The following RGSL1 variants were observed in gnomAD, a reference collection of about 807,000 sequenced individuals.
The protein encoded by RGSL1 is regulator of G protein signaling like 1.
RGSL1 carries 97 observed loss-of-function variants against 124.7 expected under a neutral mutation model. The ratio of observed to expected loss-of-function variants is 0.78; its 90% CI spans 0.66 to 0.92. RGSL1 has a LOEUF of 0.92. RGSL1 is among the 40% of genes least tolerant of loss of function. The pLI is 0.00. For missense variants in RGSL1, 1,233 were observed against 1,288.4 expected (o/e 0.96, Z 0.66); for synonymous variants, 424 against 438.1 (o/e 0.97, Z 0.40).
intron 4 of RGSL1, among the ~76,000 whole-genome samples, chr1:182,469,125 T>C (rs1653601602): frequency 6.6e-6 from 1 of 152,126 alleles, no homozygotes; most frequent in Admixed American, 6.6e-5. Flanking sequence ...AGTGATGTCT[T>C]GGATATGACA....
chr1:182,480,888 G>A (rs970365260), intron 6 of RGSL1, among the ~76,000 whole-genome samples: 1 of 151,852 alleles, frequency 6.6e-6, no homozygotes, highest in African/African-American at 2.4e-5. Flanking sequence ...AATCAAAAAG[G>A]GCATTTGAAA....
intron 20 of RGSL1, chr1:182,555,521 C>A: frequency 6.4e-6 from 1 of 157,372 alleles, no homozygotes; most frequent in Admixed American, 6.1e-5. Context: ...TTAAAATCTG[C>A]TTCAGCCTAA....
chr1:182,513,814 A>G (rs1416591545), intron 9 of RGSL1, among the ~76,000 whole-genome samples: 1 of 152,112 alleles, frequency 6.6e-6, no homozygotes, highest in Non-Finnish European at 1.5e-5. Context: ...ACTTGACAAA[A>G]TGAGGAGATA....
intron 4 of RGSL1, among the ~76,000 whole-genome samples, chr1:182,467,793 T>C (rs61808196): frequency 0.014 from 2,113 of 152,314 alleles, 27 homozygotes; most frequent in Admixed American, 0.031. Context: ...AAAGAGCTTC[T>C]GCACAGCAAA....
chr1:182,509,644 C>G (rs866998368), intron 9 of RGSL1, among the ~76,000 whole-genome samples: 1 of 131,602 alleles, frequency 7.6e-6, no homozygotes, highest in Admixed American at 7.1e-5. Context: ...ACCTCCCGGA[C>G]GGGGCGGCTG....
chr1:182,544,578 A>C (rs1452406284), intron 15 of RGSL1, among the ~76,000 whole-genome samples: 1 of 133,694 alleles, frequency 7.5e-6, no homozygotes, highest in Non-Finnish European at 1.7e-5. Flanking sequence ...TCTGTCCATT[A>C]CTAAGAGTGG....
At chr1:182,546,295 A>T (rs1660205262) in intron 15 of RGSL1, among the ~76,000 whole-genome samples, 1 of 151,958 alleles carries the variant, frequency 6.6e-6, no homozygotes, top group Non-Finnish European at 1.5e-5. Context: ...TTAAAGTGGA[A>T]CAGAATTTAA....
chr1:182,552,843 A>T (rs548473943), intron 18 of RGSL1, among the ~76,000 whole-genome samples: 2 of 151,636 alleles, frequency 1.3e-5, no homozygotes, highest in Non-Finnish European at 2.9e-5. Context: ...TAACAAACCC[A>T]CTCCCATGAT....
At chr1:182,514,080 A>G (rs1289292620) in intron 9 of RGSL1, among the ~76,000 whole-genome samples, 2 of 91,982 alleles carry the variant, frequency 2.2e-5, no homozygotes, top group Non-Finnish European at 5.6e-5. Context: ...TTTTGGAGAG[A>G]TAGGGTTTCA....
intron 9 of RGSL1, among the ~76,000 whole-genome samples, chr1:182,497,728 G>A (rs1656038218): frequency 6.6e-6 from 1 of 152,056 alleles, no homozygotes; most frequent in Admixed American, 6.5e-5. Flanking sequence ...TGACACTTTT[G>A]AAGATTCCAA....
At chr1:182,529,731 G>A (rs1484393133) in intron 11 of RGSL1, among the ~76,000 whole-genome samples, 1 of 152,166 alleles carries the variant, frequency 6.6e-6, no homozygotes, top group African/African-American at 2.4e-5. Context: ...ATCTCAGGAT[G>A]TTGAGATCTG....
chr1:182,509,522 A>T lies in RGSL1; in HGVS notation c.1826-12482A>T, dbSNP rs796128733. 1.8e-4 allele frequency among the ~76,000 whole-genome samples: 11 copies of T among 60,672 alleles called. 1 individual carries two copies. The highest frequency in any genetic ancestry group is 8.9e-4 in the African/African-American group (11 of 12,322). The allele number at this position is 60,672 out of a possible 152,430, so 39.8% of individuals were successfully genotyped here. A position where few individuals can be genotyped will look rare whatever the true frequency, so the allele number is the denominator to read the frequency against. ...CCCCCACCTCCCTCCCGGACGGGGC[A>T]GCTGGCCGGGTGGGGGGGCTGACGC... On this transcript the variant is annotated intron_variant, in intron 9 of 21. Coordinates refer to ENST00000294854, the MANE Select transcript of RGSL1 (RefSeq NM_001137669.2).
intron 21 of RGSL1, 61 bp downstream of exon 21, chr1:182,556,283 G>A (rs998887790): frequency 9.6e-6 from 5 of 519,054 alleles, no homozygotes; most frequent in African/African-American, 7.7e-5. Context: ...GTTGGGTCAG[G>A]AGACCTGGGC....
chr1:182,559,077 A>ATT (rs1661023659), intron 21 of RGSL1, among the ~76,000 whole-genome samples: 2 of 152,044 alleles, frequency 1.3e-5, no homozygotes, highest in African/African-American at 4.8e-5. Context: ...CATAGCTCTG[A>ATT]CTATTCTTTC....
intron 14 of RGSL1, among the ~76,000 whole-genome samples, chr1:182,537,380 G>C (rs964330149): frequency 2.6e-5 from 4 of 152,152 alleles, no homozygotes; most frequent in Non-Finnish European, 4.4e-5. Context: ...ATGTCTCATT[G>C]TGTATATGCA....
At chr1:182,535,872 A>G (rs1191997286) in intron 14 of RGSL1, among the ~76,000 whole-genome samples, 2 of 152,180 alleles carry the variant, frequency 1.3e-5, no homozygotes. Context: ...CTCTGCCATC[A>G]TGATATAGAA....
At chr1:182,459,687 C>G (rs185189699) in intron 3 of RGSL1, among the ~76,000 whole-genome samples, 3 of 152,302 alleles carry the variant, frequency 2.0e-5, no homozygotes, top group Admixed American at 2.0e-4. Context: ...ATCTTTTCTG[C>G]TTTTCTTCTG....
chr1:182,534,501 A>G (rs1445947213), intron 14 of RGSL1, among the ~76,000 whole-genome samples: 1 of 152,150 alleles, frequency 6.6e-6, no homozygotes, highest in Admixed American at 6.5e-5. Context: ...TCTTTTATGA[A>G]CTGTTTCACA....
At chr1:182,552,671 A>G (rs1197989838) in intron 18 of RGSL1, among the ~76,000 whole-genome samples, 3 of 152,226 alleles carry the variant, frequency 2.0e-5, no homozygotes, top group Non-Finnish European at 4.4e-5. Context: ...TGGGTAATTC[A>G]TAAAGAAAGG....
Sources: gnomAD v4.1 joint callset for allele counts (sites outside exome capture counted in the v4.1 genomes callset) on GRCh38, gnomAD v4.1.1 for gene constraint, MANE v1.5 for transcripts, NCBI Gene and HGNC (gene_info 2026-07-23, HGNC 2026-07-21) for gene names.